Variants in LAMC2 observed in about 807,000 individuals in gnomAD.
LAMC2 encodes the protein laminin subunit gamma-2.
In LAMC2, 97 loss-of-function variants were observed where a neutral mutation model predicts 140.2. That is an observed-to-expected ratio of 0.69 (90% CI 0.59 to 0.82). The LOEUF (loss-of-function observed/expected upper bound fraction) is 0.82. LAMC2 is among the 40% of genes least tolerant of loss of function. The pLI, the probability that LAMC2 is intolerant of heterozygous loss-of-function variation, is 0.00. For missense variants in LAMC2, 1,402 were observed against 1,476.1 expected, an observed-to-expected ratio of 0.95 and a Z score of 0.82; for synonymous variants, 513 against 540.2, an observed-to-expected ratio of 0.95 and a Z score of 0.70.
At chr1:183,250,983 A>C in the LAMC2 span, 1 of 152,266 alleles carries the variant, frequency 6.6e-6, no homozygotes, top group African/African-American at 2.4e-5. Flanking sequence ...CTCAAAGACC[A>C]GAATCCCAAG....
intron 7 of LAMC2, among the ~76,000 whole-genome samples, chr1:183,224,493 C>T (rs1659569145): frequency 6.6e-6 from 1 of 152,084 alleles, no homozygotes; most frequent in Non-Finnish European, 1.5e-5. Context: ...ACTACAGGCA[C>T]CATATAGATG....
At chr1:183,249,691 G>A (rs1660322735), downstream of LAMC2, 1 of 92,748 alleles carries the variant, frequency 1.1e-5, no homozygotes, top group Admixed American at 1.2e-4. Context: ...GCGTGTGTGT[G>A]TGTGTGTGTG....
chr1:183,196,142 A>AT (rs34105869), intron 1 of LAMC2, among the ~76,000 whole-genome samples: 81,702 of 148,240 alleles, frequency 0.55, 22,804 homozygotes, highest in East Asian at 0.72. Flanking sequence ...GATAAAAATG[A>AT]TTTTTTTTTT....
At chr1:183,255,781 G>A in the LAMC2 span, among the ~76,000 whole-genome samples, 4 of 150,616 alleles carry the variant, frequency 2.7e-5, no homozygotes, top group East Asian at 2.0e-4. Context: ...CTCCTACCTC[G>A]GCCTCCCGAG....
Position 183,228,898 on chromosome 1 carries a change from G to A in LAMC2, c.1714+279G>A, listed in dbSNP as rs759016712. On this transcript the variant is annotated intron_variant, in intron 11 of 22. Coordinates refer to ENST00000264144, the MANE Select transcript of LAMC2 (RefSeq NM_005562.3). The surrounding 1 kb of genome is among the most constrained non-coding windows in gnomAD (Gnocchi z 4.3). ...TCCTACGCGGAAAAGGATGTAACAC[G>A]GGGCCACATCCTATGCCCAATCCCA... Among the ~76,000 whole-genome samples the A allele has an allele frequency of 6.6e-6, 1 of 152,296 alleles. No homozygotes were observed. The highest frequency in any genetic ancestry group is 1.9e-4 in the East Asian group (1 of 5,182).
In LAMC2 at chr1:183,206,972, C is replaced by A. The variant is rs192358156; in HGVS notation, c.80-909C>A. ...TGTTTCATGGAGTGAGTGATGAAATCGCATATGCAAAGGCATTTGATATTC... is the reference window on the plus strand; with the variant it reads ...TGTTTCATGGAGTGAGTGATGAAATAGCATATGCAAAGGCATTTGATATTC... On this transcript the variant is annotated intron_variant, in intron 1 of 22. Coordinates refer to ENST00000264144, the MANE Select transcript of LAMC2 (RefSeq NM_005562.3). Among the ~76,000 whole-genome samples the A allele has an allele frequency of 2.9e-4, 44 of 152,300 alleles. 1 individual carries two copies. Among genetic ancestry groups the A allele is most frequent in the African/African-American group, 9.4e-4 (39 of 41,554 alleles).
At position 183,239,429 on chromosome 1, in the gene LAMC2, A is replaced by G. The variant is rs779592563; in HGVS notation, c.2935A>G (p.Ile979Val). 1.9e-6 allele frequency: 3 copies of G among 1,614,186 alleles called. No homozygotes were observed. The highest frequency in any genetic ancestry group is 2.2e-5 in the South Asian group (2 of 91,084). The stretch of plus-strand genomic sequence containing the variant: ...AGAAGCCATGAAGAGACTCTCCTAC[A>G]TCAGCCAGAAGGTTTCAGATGCCAG... ...AEEAMKRLSYISQKVSDASDK... is the reference protein window; with the variant it reads ...AEEAMKRLSYVSQKVSDASDK... The change falls in exon 20 of 23, where the codon ATC (isoleucine) becomes GTC (valine). Residue 979 changes from isoleucine to valine, a missense_variant. By Grantham distance (29) the Ile-to-Val change is conservative. Transcript: ENST00000264144.
At chr1:183,198,239 T>A (rs1166731061) in intron 1 of LAMC2, among the ~76,000 whole-genome samples, 1 of 151,554 alleles carries the variant, frequency 6.6e-6, no homozygotes, top group Non-Finnish European at 1.5e-5. Context: ...CCTCCTGCGT[T>A]CAAGTGATTC....
chr1:183,215,928 C>T (rs1279813943), intron 3 of LAMC2, among the ~76,000 whole-genome samples: 2 of 152,186 alleles, frequency 1.3e-5, no homozygotes, highest in African/African-American at 2.4e-5. Flanking sequence ...AGGGAGGCAA[C>T]AAGTCCTTCA....
At chr1:183,253,669 T>A in the LAMC2 span, among the ~76,000 whole-genome samples, 1 of 152,170 alleles carries the variant, frequency 6.6e-6, no homozygotes, top group Non-Finnish European at 1.5e-5. Context: ...CCTACATATT[T>A]GCTGCTTTGT....
intron 4 of LAMC2, among the ~76,000 whole-genome samples, chr1:183,218,833 C>T (rs560392769): frequency 6.6e-6 from 1 of 152,350 alleles, no homozygotes; most frequent in South Asian, 2.1e-4. Flanking sequence ...TCCTGGGACA[C>T]AGGCTGGTTG....
chr1:183,203,510 G>A (rs12410901), intron 1 of LAMC2, among the ~76,000 whole-genome samples: 17,826 of 141,028 alleles, frequency 0.13, 1,068 homozygotes, highest in East Asian at 0.23. Context: ...GCGAGAGTAA[G>A]TAATAAATGG....
chr1:183,188,533 CTAGTTCCTTAT>C (rs1658225719), intron 1 of LAMC2, among the ~76,000 whole-genome samples: 1 of 152,248 alleles, frequency 6.6e-6, no homozygotes, highest in Admixed American at 6.5e-5. Flanking sequence ...CATTCACTTA[CTAGTTCCTTAT>C]TAGTAATACT....
At chr1:183,199,698 T>C (rs1658645847) in intron 1 of LAMC2, among the ~76,000 whole-genome samples, 3 of 152,200 alleles carry the variant, frequency 2.0e-5, no homozygotes, top group Admixed American at 2.0e-4. Flanking sequence ...TGAAGTGCTC[T>C]GGGCTTTCAC....
At chr1:183,229,382 G>T (rs2102234811) in intron 11 of LAMC2, among the ~76,000 whole-genome samples, 1 of 152,130 alleles carries the variant, frequency 6.6e-6, no homozygotes, top group East Asian at 1.9e-4. Context: ...CACACCTGCA[G>T]TCCCAGCACT....
intron 3 of LAMC2, among the ~76,000 whole-genome samples, chr1:183,216,759 A>C (rs933648810): frequency 2.0e-5 from 3 of 152,074 alleles, no homozygotes; most frequent in African/African-American, 7.2e-5. Flanking sequence ...TCCCACTAAA[A>C]TGTAAGCCCC....
Position 183,240,317 on chromosome 1 carries a change from A to G in LAMC2, c.3254A>G (p.Asp1085Gly). The stretch of plus-strand genomic sequence containing the variant: ...GTGATTACAGAAGCCCAGAAGGTTG[A>G]TACCAGAGCCAAGAACGCTGGGGTT... ...QMVITEAQKV[D>G]TRAKNAGVTI... The change falls in exon 22 of 23, where the codon GAT becomes GGT. Residue 1085 changes from aspartate (D) to glycine (G), a missense_variant. Asp to Gly is a moderately conservative substitution (Grantham distance 94). Around this residue, in one of 3 missense-constraint regions of LAMC2, gnomAD observed 670 missense variants for 667.2 expected, o/e 1.00. Coordinates refer to ENST00000264144, the MANE Select transcript of LAMC2 (RefSeq NM_005562.3). The G allele has an allele frequency of 6.2e-7, 1 of 1,614,210 alleles. No individual in the cohort carries two copies. The highest frequency in any genetic ancestry group is 8.5e-7 in the Non-Finnish European group (1 of 1,180,034).
chr1:183,217,179 C>T (rs553092365), intron 3 of LAMC2, among the ~76,000 whole-genome samples: 1 of 152,162 alleles, frequency 6.6e-6, no homozygotes, highest in Admixed American at 6.5e-5. Context: ...GATCATAGGG[C>T]AGGCAGAGGA....
the LAMC2 span, chr1:183,252,588 AG>A: frequency 3.3e-6 from 4 of 1,228,298 alleles, no homozygotes; most frequent in Non-Finnish European, 4.8e-6. Flanking sequence ...GGAGAGAAAC[AG>A]GGGGCTGACA....
Sources: allele counts gnomAD v4.1 joint callset (sites outside exome capture counted in the v4.1 genomes callset), GRCh38; gene constraint gnomAD v4.1.1; regional missense constraint gnomAD v4.1.1; non-coding constraint Gnocchi (gnomAD v3.1); transcripts MANE v1.5; gene names NCBI Gene and HGNC (gene_info 2026-07-23, HGNC 2026-07-21).